VPS37A: variants seen among roughly 807,000 people sequenced by gnomAD.
VPS37A encodes VPS37A subunit of ESCRT-I.
In VPS37A, 30 loss-of-function variants were observed where a neutral mutation model predicts 49.8. The observed-to-expected ratio is 0.60, with a 90% confidence interval of 0.45 to 0.82. VPS37A has a LOEUF of 0.82. Among genes scored for constraint, VPS37A ranks in the 40% least tolerant of loss-of-function variants. VPS37A has a pLI of 0.00. For missense variants in VPS37A, 593 were observed against 464.4 expected, an observed-to-expected ratio of 1.28 and a Z score of -2.55; for synonymous variants, 195 against 160.6, an observed-to-expected ratio of 1.21 and a Z score of -1.62.
chr8:17,327,049 G>T, the VPS37A span, among the ~76,000 whole-genome samples: 5 of 152,140 alleles, frequency 3.3e-5, no homozygotes, highest in Non-Finnish European at 2.9e-5. Context: ...TAGTGAATAA[G>T]AATATGCAAG....
At chr8:17,287,148 A>G (rs907976189) in intron 11 of VPS37A, among the ~76,000 whole-genome samples, 3 of 152,014 alleles carry the variant, frequency 2.0e-5, no homozygotes, top group African/African-American at 7.3e-5. Context: ...TTTCCTCTGC[A>G]TCTGTTTTGT....
chr8:17,262,784 C>T (rs756776670), intron 1 of VPS37A, among the ~76,000 whole-genome samples: 2 of 151,866 alleles, frequency 1.3e-5, no homozygotes, highest in African/African-American at 2.4e-5. Context: ...TATTGTAGGC[C>T]GGACACGGTG....
intron 2 of VPS37A, among the ~76,000 whole-genome samples, 162 bp from the exon 3 acceptor site, chr8:17,268,096 A>G (rs779346632): frequency 6.6e-6 from 1 of 152,250 alleles, no homozygotes; most frequent in Non-Finnish European, 1.5e-5. Context: ...AGTCTTAAAC[A>G]TATTTTCAGA....
At chr8:17,294,350 G>A (rs1295443004) in intron 11 of VPS37A, among the ~76,000 whole-genome samples, 1 of 152,180 alleles carries the variant, frequency 6.6e-6, no homozygotes, top group Admixed American at 6.5e-5. Context: ...CTATGCTGGC[G>A]GTGAAAATTT....
chr8:17,292,977 T>G (rs1273052834), intron 11 of VPS37A, among the ~76,000 whole-genome samples: 1 of 152,128 alleles, frequency 6.6e-6, no homozygotes, highest in Non-Finnish European at 1.5e-5. Flanking sequence ...TTCTCTGTAT[T>G]TTCTGAATTT....
At chr8:17,258,486 A>G (rs1187561880) in intron 1 of VPS37A, among the ~76,000 whole-genome samples, 2 of 152,148 alleles carry the variant, frequency 1.3e-5, no homozygotes, top group African/African-American at 4.8e-5. Flanking sequence ...TCCTGGGGTA[A>G]TACCACCTGA....
intron 1 of VPS37A, among the ~76,000 whole-genome samples, chr8:17,252,784 A>G (rs562699591): frequency 1.3e-5 from 2 of 152,222 alleles, no homozygotes; most frequent in Admixed American, 1.3e-4. Context: ...AAACTTCTTT[A>G]TGGAAGGAAA....
intron 1 of VPS37A, among the ~76,000 whole-genome samples, chr8:17,250,072 C>T (rs892768819): frequency 6.6e-5 from 10 of 152,058 alleles, no homozygotes; most frequent in African/African-American, 1.2e-4. Flanking sequence ...GTCTTCAGGG[C>T]GGAAGGGAAA....
At chr8:17,265,719 T>G in intron 1 of VPS37A, 188 bp from the exon 2 acceptor site, 2 of 1,464,686 alleles carry the variant, frequency 1.4e-6, no homozygotes, top group African/African-American at 1.4e-5. Context: ...AATGTTACTG[T>G]GTGCTTAGAT....
At chr8:17,321,197 T>G in the VPS37A span, among the ~76,000 whole-genome samples, 1 of 152,162 alleles carries the variant, frequency 6.6e-6, no homozygotes, top group Non-Finnish European at 1.5e-5. Context: ...AGTTTAAAAA[T>G]AAAGACACTG....
At chr8:17,326,254 C>T in the VPS37A span, 2 of 152,148 alleles carry the variant, frequency 1.3e-5, no homozygotes, top group Non-Finnish European at 2.9e-5. Flanking sequence ...TGAGCTGAAA[C>T]AGGTTTCTCA....
intron 6 of VPS37A, among the ~76,000 whole-genome samples, chr8:17,278,149 A>G (rs1814701781): frequency 6.6e-6 from 1 of 152,022 alleles, no homozygotes; most frequent in Non-Finnish European, 1.5e-5. Flanking sequence ...GACAAGGTTC[A>G]ATTCTTTTGC....
In VPS37A at chr8:17,293,421, A is replaced by T. The variant is rs185818481; in HGVS notation, c.*1-1566A>T. 4.0e-3 allele frequency among the ~76,000 whole-genome samples: 605 copies of T among 152,102 alleles called. 5 individuals carry two copies. Among genetic ancestry groups the T allele is most frequent in the African/African-American group, 0.014 (580 of 41,476 alleles). ...GTTAGAACATGCTCCTTTAGCTCTA[A>T]GGAGTTTATTACCCACCTTCTGAAG... On this transcript the variant is annotated intron_variant, in intron 11 of 11. Transcript: ENST00000324849.
At chr8:17,305,661 GA>G, downstream of VPS37A, 3 of 1,101,498 alleles carry the variant, frequency 2.7e-6, no homozygotes, top group Non-Finnish European at 3.9e-6. Flanking sequence ...GTGACTAAAT[GA>G]AAAAAGTCTT....
At chr8:17,268,112 C>G (rs564291463) in intron 2 of VPS37A, 146 bp from the exon 3 acceptor site, 1 of 558,528 alleles carries the variant, frequency 1.8e-6, no homozygotes, top group Non-Finnish European at 3.2e-6. Context: ...TCAGACAACA[C>G]CATAATAGAG....
chr8:17,251,838 C>T (rs1024521539), intron 1 of VPS37A, among the ~76,000 whole-genome samples: 2 of 152,134 alleles, frequency 1.3e-5, no homozygotes, highest in African/African-American at 4.8e-5. Context: ...GTTCTGATTG[C>T]CTAAATGTTT....
the VPS37A span, among the ~76,000 whole-genome samples, chr8:17,328,620 G>C: frequency 6.6e-6 from 1 of 152,116 alleles, no homozygotes; most frequent in Non-Finnish European, 1.5e-5. Flanking sequence ...ATGCCTGCTA[G>C]GCTTAACAGT....
chr8:17,312,376 AC>A, the VPS37A span, among the ~76,000 whole-genome samples: 1 of 152,126 alleles, frequency 6.6e-6, no homozygotes, highest in African/African-American at 2.4e-5. Context: ...GGAGTCCGTG[AC>A]CAGCCTGACC....
At chr8:17,308,322 C>G in the VPS37A span, among the ~76,000 whole-genome samples, 1 of 152,086 alleles carries the variant, frequency 6.6e-6, no homozygotes, top group Non-Finnish European at 1.5e-5. Context: ...AATAGAACCC[C>G]AAACTGAAAA....
Sources: allele counts gnomAD v4.1 joint callset (sites outside exome capture counted in the v4.1 genomes callset), GRCh38; gene constraint gnomAD v4.1.1; transcripts MANE v1.5; gene names NCBI Gene and HGNC (gene_info 2026-07-23, HGNC 2026-07-21).